SIL1: variants seen among roughly 807,000 people sequenced by gnomAD.
SIL1 encodes nucleotide exchange factor SIL1.
A neutral mutation model predicts 49.1 loss-of-function variants in SIL1; 40 were observed. That is an observed-to-expected ratio of 0.81 (90% confidence interval 0.63 to 1.06). The LOEUF (loss-of-function observed/expected upper bound fraction) is 1.06. Among genes scored for constraint, SIL1 ranks in the 50% least tolerant of loss-of-function variants. The probability of loss-of-function intolerance (pLI) is 0.00; values close to 1 mark genes in which losing one functional copy is unlikely to be tolerated. For synonymous variants in SIL1, 253 were observed against 250.8 expected (o/e 1.01, Z -0.08); for missense variants, 500 against 572.6 (o/e 0.87, Z 1.29).
At chr5:139,024,468 C>T (rs1214484789) in intron 6 of SIL1, among the ~76,000 whole-genome samples, 1 of 152,208 alleles carries the variant, frequency 6.6e-6, no homozygotes, top group Non-Finnish European at 1.5e-5. Flanking sequence ...AGTGCATACT[C>T]ATCCTCTTTC....
chr5:139,014,923 C>A (rs1381723500), intron 7 of SIL1, among the ~76,000 whole-genome samples: 2 of 152,154 alleles, frequency 1.3e-5, no homozygotes, highest in African/African-American at 4.8e-5. Flanking sequence ...CAGTGTGTGA[C>A]CTCATCCCAA....
intron 7 of SIL1, among the ~76,000 whole-genome samples, chr5:138,992,807 T>A (rs1373351048): frequency 2.0e-5 from 3 of 151,632 alleles, no homozygotes; most frequent in Non-Finnish European, 1.5e-5. Flanking sequence ...ATCTCAGAAA[T>A]CACCACTAAA....
chr5:139,110,041 C>T (rs917853021), intron 3 of SIL1, among the ~76,000 whole-genome samples: 30 of 151,884 alleles, frequency 2.0e-4, no homozygotes, highest in African/African-American at 5.8e-4. Context: ...TGGTGGCACG[C>T]GCCTGTAGTC....
In SIL1 at chr5:139,195,184, A is replaced by G. The variant is rs531747056; in HGVS notation, c.-11+3085T>C. On this transcript the variant is annotated intron_variant, in intron 1 of 9. Coordinates refer to ENST00000394817, the MANE Select transcript of SIL1 (RefSeq NM_022464.5). ...CGACCTCAGGTGATCCACCCACCTC[A>G]GCCTCCCAAAGTGCTGGGATTACAG... Among the ~76,000 whole-genome samples, 12 of 152,102 alleles carry G rather than the reference A, an allele frequency of 7.9e-5. No individual in the cohort carries two copies. In the East Asian group the frequency reaches 2.3e-3, roughly 30 times the overall value.
chr5:139,197,268 CAAAAAAAAAAA>C (rs11363617), intron 1 of SIL1, among the ~76,000 whole-genome samples: 2 of 58,830 alleles, frequency 3.4e-5, no homozygotes, highest in African/African-American at 6.8e-5. Flanking sequence ...AACTCCGCCT[CAAAAAAAAAAA>C]AAAAAAAAAA....
rs1347608804 is a variant in SIL1 at position 138,947,346 on chromosome 5, A to G, written c.1157T>C (p.Leu386Pro). ...QGWCEITAHL[L>P]ALPEHDAREK... Reference sequence around the variant, plus strand: ...ACGGGCATCATGCTCGGGCAGCGCCAGGAGGTGGGCCGTGATCTCGCACCA... The same window carrying G: ...ACGGGCATCATGCTCGGGCAGCGCCGGGAGGTGGGCCGTGATCTCGCACCA... The change falls in exon 10 of 10, where the codon CTG becomes CCG. Residue 386 changes from leucine (L) to proline (P), a missense_variant. Transcript: ENST00000394817. This position sits in a 1 kb window ranked among gnomAD's most constrained non-coding sequence, Gnocchi z 4.1. 6.2e-7 allele frequency: 1 copy of G among 1,613,526 alleles called. No homozygotes were observed. Among genetic ancestry groups the G allele is most frequent in the Non-Finnish European group, 8.5e-7 (1 of 1,180,042 alleles).
At position 139,042,652 on chromosome 5, in the gene SIL1, C is replaced by G. The variant is rs1307200441; in HGVS notation, c.421G>C (p.Gly141Arg). 8 of 1,614,028 alleles carry G rather than the reference C, an allele frequency of 5.0e-6. No homozygotes were observed. The highest frequency in any genetic ancestry group is 8.5e-7 in the Non-Finnish European group (1 of 1,180,038). The change falls in exon 5 of 10, where the codon GGG becomes CGG. Residue 141 changes from glycine to arginine, a missense_variant. Coordinates refer to ENST00000394817, the MANE Select transcript of SIL1 (RefSeq NM_022464.5). ...LKSALAKFKEGAEMESSKEDK... is the reference protein window; with the variant it reads ...LKSALAKFKERAEMESSKEDK... Reference sequence around the variant, plus strand: ...TCCTTTGAACTCTCCATCTCTGCCCCCTCCTTGAATTTTGCCAGTGCACTC... The same window carrying G: ...TCCTTTGAACTCTCCATCTCTGCCCGCTCCTTGAATTTTGCCAGTGCACTC...
At chr5:139,183,570 G>C (rs752796464) in intron 1 of SIL1, among the ~76,000 whole-genome samples, 1 of 152,186 alleles carries the variant, frequency 6.6e-6, no homozygotes, top group Non-Finnish European at 1.5e-5. Context: ...GGCAGCTTAG[G>C]TTGTACTAAA....
At chr5:139,016,820 G>T (rs1404962507) in intron 7 of SIL1, 1 of 152,050 alleles carries the variant, frequency 6.6e-6, no homozygotes, top group Non-Finnish European at 1.5e-5. Flanking sequence ...ATGCCCATGT[G>T]CACTCATTTG....
chr5:139,191,862 G>T (rs1227108636), intron 1 of SIL1, among the ~76,000 whole-genome samples: 1 of 151,962 alleles, frequency 6.6e-6, no homozygotes, highest in African/African-American at 2.4e-5. Flanking sequence ...AGATCTCGAG[G>T]CCAGGAGTTT....
intron 7 of SIL1, among the ~76,000 whole-genome samples, chr5:138,979,794 T>G (rs1581002232): frequency 6.6e-6 from 1 of 152,348 alleles, no homozygotes; most frequent in South Asian, 2.1e-4. Context: ...GAATCATTTC[T>G]GTCTAGAGGA....
chr5:139,142,794 A>G (rs1187525873), intron 1 of SIL1, among the ~76,000 whole-genome samples: 1 of 151,880 alleles, frequency 6.6e-6, no homozygotes, highest in Non-Finnish European at 1.5e-5. Context: ...TTTGAGATAG[A>G]GTCTCGCTCT....
At chr5:139,004,104 C>G (rs979558102) in intron 7 of SIL1, among the ~76,000 whole-genome samples, 1 of 152,220 alleles carries the variant, frequency 6.6e-6, no homozygotes, top group African/African-American at 2.4e-5. Flanking sequence ...ACTGTCTTCC[C>G]TCTTTCCCCA....
chr5:138,957,232 G>A (rs1247951366), intron 7 of SIL1, among the ~76,000 whole-genome samples: 2 of 151,862 alleles, frequency 1.3e-5, no homozygotes, highest in African/African-American at 4.8e-5. Context: ...CAATCACCTG[G>A]GCAGTTTATT....
intron 7 of SIL1, among the ~76,000 whole-genome samples, chr5:139,013,044 CTT>C (rs1768319974): frequency 6.6e-6 from 1 of 152,200 alleles, no homozygotes; most frequent in East Asian, 1.9e-4. Context: ...CATCCCATCT[CTT>C]TATTTTTTTC....
At chr5:139,029,610 T>A (rs1768740879) in intron 5 of SIL1, among the ~76,000 whole-genome samples, 1 of 151,542 alleles carries the variant, frequency 6.6e-6, no homozygotes, top group Admixed American at 6.6e-5. Flanking sequence ...CAAGTGATCC[T>A]TCCACCCCAG....
intron 4 of SIL1, among the ~76,000 whole-genome samples, chr5:139,049,710 T>A (rs138599543): frequency 0.012 from 1,821 of 152,008 alleles, 36 homozygotes; most frequent in African/African-American, 0.041. Context: ...ATGAGATTGC[T>A]TGAGCCCAGG....
At chr5:139,163,188 C>T (rs1368736251) in intron 1 of SIL1, among the ~76,000 whole-genome samples, 2 of 151,946 alleles carry the variant, frequency 1.3e-5, no homozygotes, top group African/African-American at 4.8e-5. Flanking sequence ...GGAGTTGATT[C>T]TAAGTATGAT....
chr5:138,959,480 TTATACCCTCTGGTCC>T (rs755171448), intron 7 of SIL1, among the ~76,000 whole-genome samples: 64 of 152,338 alleles, frequency 4.2e-4, no homozygotes, highest in East Asian at 1.2e-3. Context: ...CTCATGAAGC[TTATACCCTCTGGTCC>T]TATACCCTCT....
Sources: gnomAD v4.1 joint callset for allele counts (sites outside exome capture counted in the v4.1 genomes callset) on GRCh38, gnomAD v4.1.1 for gene constraint, Gnocchi (gnomAD v3.1) non-coding constraint, MANE v1.5 for transcripts, NCBI Gene and HGNC (gene_info 2026-07-23, HGNC 2026-07-21) for gene names.